BTRC: variants seen among roughly 807,000 people sequenced by gnomAD.
BTRC encodes the protein F-box/WD repeat-containing protein 1A.
BTRC carries 42 observed loss-of-function variants against 85.5 expected under a neutral mutation model. That is an observed-to-expected ratio of 0.49 (90% CI 0.38 to 0.64). BTRC has a LOEUF of 0.64. Ranked by LOEUF, BTRC falls within the 30% of genes least tolerant of loss-of-function variation. The pLI, the probability that BTRC is intolerant of heterozygous loss-of-function variation, is 0.00. For missense variants in BTRC, 594 were observed against 743.5 expected, an observed-to-expected ratio of 0.80 and a Z score of 2.34; for synonymous variants, 255 against 263.3, an observed-to-expected ratio of 0.97 and a Z score of 0.30.
chr10:101,490,207 T>TCTTCCCTCCCTCACTCCCTC (rs1470340320), intron 4 of BTRC, among the ~76,000 whole-genome samples: 1 of 151,762 alleles, frequency 6.6e-6, no homozygotes, highest in Admixed American at 6.6e-5. Context: ...CTTCCTCCCT[T>TCTTCCCTCCCTCACTCCCTC]CTTCCCTCCC....
chr10:101,521,734 C>CT lies in BTRC; in HGVS notation c.423dup (p.Glu142Ter). ...AGGAAAAGGAACTGTGTGTCAAATACTTTGAGCAGTGGTCAGAGTCAGATC... is the reference window on the plus strand; with the variant it reads ...AGGAAAAGGAACTGTGTGTCAAATACTTTTGAGCAGTGGTCAGAGTCAGATC... On this transcript the variant is annotated frameshift_variant, in exon 5 of 15. Transcript: ENST00000370187. LOFTEE classifies it high-confidence loss of function. The CT allele has an allele frequency of 6.2e-7, 1 of 1,614,164 alleles. No individual in the cohort carries two copies. The highest frequency in any genetic ancestry group is 8.5e-7 in the Non-Finnish European group (1 of 1,180,006).
chr10:101,373,876 C>T (rs1400245518), intron 1 of BTRC, among the ~76,000 whole-genome samples: 8 of 151,392 alleles, frequency 5.3e-5, no homozygotes, highest in Admixed American at 5.3e-4. Flanking sequence ...CGAGATCGTG[C>T]CACTGCACTT....
At chr10:101,383,204 C>T (rs994793431) in intron 1 of BTRC, among the ~76,000 whole-genome samples, 26 of 151,738 alleles carry the variant, frequency 1.7e-4, no homozygotes, top group African/African-American at 6.3e-4. Context: ...GCTGGGACTA[C>T]AGGCGTGCAC....
At chr10:101,435,267 GT>G (rs1944499335) in intron 2 of BTRC, among the ~76,000 whole-genome samples, 1 of 152,100 alleles carries the variant, frequency 6.6e-6, no homozygotes. Context: ...TCTTAGGTGA[GT>G]TTTGACAAAT....
At chr10:101,485,658 T>G (rs1051145031) in intron 4 of BTRC, among the ~76,000 whole-genome samples, 1 of 152,242 alleles carries the variant, frequency 6.6e-6, no homozygotes, top group Non-Finnish European at 1.5e-5. Flanking sequence ...GTTTTTGTTT[T>G]TAAATAGCAG....
At chr10:101,446,049 A>G (rs1192609385) in intron 2 of BTRC, among the ~76,000 whole-genome samples, 4 of 152,050 alleles carry the variant, frequency 2.6e-5, no homozygotes, top group African/African-American at 9.7e-5. Flanking sequence ...TATTGGATGA[A>G]AGGCATTCAG....
At chr10:101,544,130 C>T (rs1380917735) in intron 13 of BTRC, among the ~76,000 whole-genome samples, 1 of 152,074 alleles carries the variant, frequency 6.6e-6, no homozygotes, top group African/African-American at 2.4e-5. Context: ...AAGATGGTCT[C>T]GATCTCCTGA....
chr10:101,536,147 A>T (rs1359540155), intron 11 of BTRC, among the ~76,000 whole-genome samples: 1 of 152,194 alleles, frequency 6.6e-6, no homozygotes, highest in Non-Finnish European at 1.5e-5. Context: ...GCCGTGGCAG[A>T]GGGGGAGGTG....
intron 1 of BTRC, among the ~76,000 whole-genome samples, chr10:101,367,374 G>A (rs928570734): frequency 6.6e-6 from 1 of 151,616 alleles, no homozygotes; most frequent in Admixed American, 6.6e-5. Context: ...GCCTGGCCTA[G>A]GTCTATATTT....
chr10:101,550,787 T>C lies in BTRC; in HGVS notation c.1745T>C (p.Phe582Ser), dbSNP rs2062636754. ...SHDDTILIWDFLNDPAAQAEP... is the reference protein window; with the variant it reads ...SHDDTILIWDSLNDPAAQAEP... ...GATGACACAATCCTCATCTGGGACT[T>C]CCTAAATGATCCAGCTGCCCAAGCT... The change falls in exon 14 of 15, where the codon TTC becomes TCC. Residue 582 changes from phenylalanine (F) to serine (S), a missense_variant. Around this residue, in one of 4 missense-constraint regions of BTRC, gnomAD observed 56 missense variants for 39.6 expected, o/e 1.41. Coordinates refer to ENST00000370187, the MANE Select transcript of BTRC (RefSeq NM_033637.4). 6.2e-7 allele frequency: 1 copy of C among 1,613,948 alleles called. No homozygotes were observed. The highest frequency in any genetic ancestry group is 8.5e-7 in the Non-Finnish European group (1 of 1,179,982).
intron 1 of BTRC, among the ~76,000 whole-genome samples, chr10:101,394,795 C>T (rs987734524): frequency 2.0e-4 from 31 of 152,112 alleles, no homozygotes; most frequent in Non-Finnish European, 1.9e-4. Flanking sequence ...GCAAGAATAG[C>T]AATTTGACCA....
At chr10:101,498,717 G>A (rs1284418043) in intron 4 of BTRC, among the ~76,000 whole-genome samples, 6 of 152,112 alleles carry the variant, frequency 3.9e-5, no homozygotes, top group East Asian at 3.9e-4. Context: ...CAGGCCAGCC[G>A]TGGTGGTTCA....
intron 4 of BTRC, among the ~76,000 whole-genome samples, chr10:101,509,886 G>A (rs1392630360): frequency 6.6e-6 from 1 of 151,550 alleles, no homozygotes; most frequent in African/African-American, 2.4e-5. Context: ...AGATGCTTTT[G>A]GCCGGGTGCG....
chr10:101,535,316 GCACCAAAT>G (rs1451224870), intron 10 of BTRC, 30 bp from the exon 11 acceptor site: 1 of 1,496,172 alleles, frequency 6.7e-7, no homozygotes, highest in East Asian at 2.3e-5. Context: ...ACCAATAAAA[GCACCAAAT>G]CAACTGCTCA....
At chr10:101,552,357 ATTTT>A (rs33974447) in intron 14 of BTRC, among the ~76,000 whole-genome samples, 1 of 132,914 alleles carries the variant, frequency 7.5e-6, no homozygotes, top group Admixed American at 7.7e-5. Flanking sequence ...AATTGTTTGT[ATTTT>A]TTTTTTTTTT....
intron 13 of BTRC, among the ~76,000 whole-genome samples, chr10:101,548,927 C>T (rs1419667865): frequency 2.7e-5 from 4 of 146,426 alleles, no homozygotes; most frequent in African/African-American, 1.0e-4. Flanking sequence ...GTGGCATGTG[C>T]CTGTAATCCC....
chr10:101,495,744 T>C, intron 4 of BTRC, among the ~76,000 whole-genome samples: 1 of 152,234 alleles, frequency 6.6e-6, no homozygotes, highest in Non-Finnish European at 1.5e-5. Context: ...GCCCTTTCTG[T>C]GAATACAATC....
At chr10:101,368,172 A>G (rs1427022675) in intron 1 of BTRC, among the ~76,000 whole-genome samples, 1 of 152,152 alleles carries the variant, frequency 6.6e-6, no homozygotes, top group East Asian at 1.9e-4. Flanking sequence ...TCGCTCCATT[A>G]GTTCCTGCCA....
intron 1 of BTRC, among the ~76,000 whole-genome samples, chr10:101,427,113 CTTTTTTT>C (rs138285266): frequency 3.0e-4 from 33 of 109,360 alleles, no homozygotes; most frequent in South Asian, 1.8e-3. Context: ...TTTTTTCTTT[CTTTTTTT>C]TTTTTTTTTT....
Sources: gnomAD v4.1 joint callset for allele counts (sites outside exome capture counted in the v4.1 genomes callset) on GRCh38, gnomAD v4.1.1 for gene constraint, gnomAD v4.1.1 regional missense constraint, MANE v1.5 for transcripts, NCBI Gene and HGNC (gene_info 2026-07-23, HGNC 2026-07-21) for gene names.